The following SCFD1 variants were observed in gnomAD, a reference collection of about 807,000 sequenced individuals.
The protein encoded by SCFD1 is sec1 family domain containing 1, also known as sec1 family domain-containing protein 1.
In SCFD1, 37 loss-of-function variants were observed where a neutral mutation model predicts 103.2. The observed-to-expected ratio is 0.36, with a 90% CI of 0.28 to 0.47. The LOEUF (loss-of-function observed/expected upper bound fraction) is 0.47. SCFD1 is among the 20% of genes least tolerant of loss of function. SCFD1 has a pLI of 1.00. For synonymous variants in SCFD1, 264 were observed against 245.0 expected (o/e 1.08, Z -0.73); for missense variants, 639 against 761.2 (o/e 0.84, Z 1.89).
chr14:30,721,664 T>C (rs781253186), intron 21 of SCFD1: 24 of 523,638 alleles, frequency 4.6e-5, no homozygotes, highest in Non-Finnish European at 7.4e-5. Context: ...ACCCATTTCC[T>C]TTTAGACTCT....
At chr14:30,672,285 A>G (rs1350502156) in intron 11 of SCFD1, among the ~76,000 whole-genome samples, 3 of 152,018 alleles carry the variant, frequency 2.0e-5, no homozygotes, top group African/African-American at 7.2e-5. Flanking sequence ...CCTCAGTGCT[A>G]TTTTTTGCCA....
At chr14:30,721,085 G>A (rs910162885) in intron 21 of SCFD1, among the ~76,000 whole-genome samples, 24 of 152,076 alleles carry the variant, frequency 1.6e-4, no homozygotes, top group African/African-American at 5.6e-4. Flanking sequence ...TACTGTTTAA[G>A]GAACTGGAAC....
At chr14:30,634,904 T>TG in intron 4 of SCFD1, 1 of 456,002 alleles carries the variant, frequency 2.2e-6, no homozygotes, top group Non-Finnish European at 4.4e-6. Flanking sequence ...CAGAAGACCT[T>TG]TATTTATTTC....
intron 7 of SCFD1, chr14:30,643,837 A>T (rs1290654075): frequency 4.7e-6 from 2 of 421,164 alleles, no homozygotes; most frequent in Non-Finnish European, 9.3e-6. Context: ...TATACCTTCA[A>T]ATTTTATTTT....
chr14:30,644,018 G>A (rs1479274266), intron 7 of SCFD1: 1 of 456,226 alleles, frequency 2.2e-6, no homozygotes, highest in African/African-American at 2.0e-5. Flanking sequence ...TCTATGCTCA[G>A]GTAGACCCCA....
In SCFD1 at chr14:30,670,379, C is replaced by A; in HGVS notation, c.979C>A (p.Gln327Lys). Residue 327 changes from glutamine to lysine, a missense_variant, in exon 11 of 25, where the codon CAA becomes AAA. Transcript: ENST00000458591. ...TTTAACTCCGGTTGATAAATTTTGG[C>A]AAAAACATAAAGGAAGGTAAGCAAA... Reference protein sequence around the residue: ...YDLTPVDKFWQKHKGSPFPEV... With the variant: ...YDLTPVDKFWKKHKGSPFPEV... The A allele has an allele frequency of 1.3e-6, 2 of 1,551,726 alleles. No individual in the cohort carries two copies. Among genetic ancestry groups the A allele is most frequent in the Admixed American group, 2.1e-5 (1 of 46,776 alleles).
chr14:30,661,797 T>C (rs1349888540), intron 10 of SCFD1, among the ~76,000 whole-genome samples: 1 of 152,176 alleles, frequency 6.6e-6, no homozygotes, highest in Admixed American at 6.6e-5. Context: ...ACATTTTCTC[T>C]TGTGGAAATT....
chr14:30,675,375 A>G lies in SCFD1; in HGVS notation c.1242+310A>G, dbSNP rs570149959. Reference sequence around the variant, plus strand: ...ATTAATAGTAGACTTGTATCTCAGCATCAGTAATAGATTTGGAAATCTCTT... The same window carrying G: ...ATTAATAGTAGACTTGTATCTCAGCGTCAGTAATAGATTTGGAAATCTCTT... On this transcript the variant is annotated intron_variant, in intron 14 of 24. Transcript: ENST00000458591. 1.5e-4 allele frequency: 28 copies of G among 187,494 alleles called. 1 individual carries two copies. The South Asian group carries it at 4.6e-3, about 31-fold the overall frequency. The allele number at this position is 187,494 out of a possible 1,614,324, so 11.6% of individuals were successfully genotyped here.
chr14:30,647,526 C>T (rs1885960457), intron 7 of SCFD1, among the ~76,000 whole-genome samples: 1 of 152,078 alleles, frequency 6.6e-6, no homozygotes, highest in Non-Finnish European at 1.5e-5. Context: ...ATGTGATTCT[C>T]TTCTTTCAAG....
At chr14:30,733,121 T>A (rs1893598407) in intron 23 of SCFD1, among the ~76,000 whole-genome samples, 1 of 152,080 alleles carries the variant, frequency 6.6e-6, no homozygotes, top group Admixed American at 6.6e-5. Flanking sequence ...TCAGTTCTCC[T>A]GCCTTAGCCT....
At chr14:30,696,536 G>A (rs995509666) in intron 15 of SCFD1, among the ~76,000 whole-genome samples, 2 of 152,138 alleles carry the variant, frequency 1.3e-5, no homozygotes, top group Non-Finnish European at 2.9e-5. Context: ...GTGCCACTTC[G>A]GTCCAGAATA....
At chr14:30,637,314 C>G (rs2139033697) in intron 4 of SCFD1, among the ~76,000 whole-genome samples, 1 of 152,182 alleles carries the variant, frequency 6.6e-6, no homozygotes, top group African/African-American at 2.4e-5. Context: ...ACTCCTTTCT[C>G]AGAGTGAAAA....
At chr14:30,634,114 A>C (rs1390235541) in intron 4 of SCFD1, 77 bp downstream of exon 4, 1 of 792,870 alleles carries the variant, frequency 1.3e-6, no homozygotes, top group Non-Finnish European at 2.1e-6. Context: ...CTAGATGTCC[A>C]GGGTGAAAAA....
At chr14:30,657,459 T>G (rs1263070746) in intron 10 of SCFD1, among the ~76,000 whole-genome samples, 7 of 152,240 alleles carry the variant, frequency 4.6e-5, no homozygotes, top group Admixed American at 4.6e-4. Context: ...ATACAATTTT[T>G]ATTTCCTACT....
intron 23 of SCFD1, among the ~76,000 whole-genome samples, chr14:30,727,033 G>A (rs1893090847): frequency 6.6e-6 from 1 of 152,154 alleles, no homozygotes; most frequent in Non-Finnish European, 1.5e-5. Context: ...AAAGTTTTCA[G>A]TTCCCCGAGA....
rs1213660138 is a variant in SCFD1 at position 30,638,116 on chromosome 14, T to C, written c.313-9T>C. On this transcript the variant is annotated splice_polypyrimidine_tract_variant and intron_variant, in intron 4 of 24. Coordinates refer to ENST00000458591, the MANE Select transcript of SCFD1 (RefSeq NM_016106.4). ...TCCTATAAGAATAAAGTTTTCATTG[T>C]ATTGATAGGATCTTCGAAATCAACT... The C allele has an allele frequency of 6.3e-7, 1 of 1,592,624 alleles. No homozygotes were observed. Among genetic ancestry groups the C allele is most frequent in the African/African-American group, 1.4e-5 (1 of 73,810 alleles).
At chr14:30,719,727 G>A (rs1208807506) in intron 21 of SCFD1, among the ~76,000 whole-genome samples, 1 of 151,908 alleles carries the variant, frequency 6.6e-6, no homozygotes, top group African/African-American at 2.4e-5. Flanking sequence ...GCTTTATATT[G>A]GATACCAGTT....
Position 30,634,045 on chromosome 14 carries a change from G to T in SCFD1, c.312+8G>T. The T allele has an allele frequency of 6.6e-7, 1 of 1,504,592 alleles. No individual in the cohort carries two copies. The highest frequency in any genetic ancestry group is 9.1e-7 in the Non-Finnish European group (1 of 1,102,338). 93.2% of individuals were successfully genotyped at this position (1,504,592 alleles called of 1,614,324 possible). ...ATTGACAGAATGTGCCAGGTAATAT[G>T]GGTTCTTATTTTCTGGACTCCTGAA... On this transcript the variant is annotated splice_region_variant and intron_variant, in intron 4 of 24. Transcript: ENST00000458591.
intron 1 of SCFD1, among the ~76,000 whole-genome samples, chr14:30,625,029 A>G (rs543919585): frequency 3.3e-5 from 5 of 152,022 alleles, no homozygotes; most frequent in African/African-American, 9.7e-5. Flanking sequence ...CCCTTTCCCA[A>G]TCTTACCTTT....
Sources: gnomAD v4.1 joint callset for allele counts (sites outside exome capture counted in the v4.1 genomes callset) on GRCh38, gnomAD v4.1.1 for gene constraint, MANE v1.5 for transcripts, NCBI Gene and HGNC (gene_info 2026-07-23, HGNC 2026-07-21) for gene names.